GLI2: variants seen among roughly 807,000 people sequenced by gnomAD.
GLI2 encodes transcription activator GLI2.
In GLI2, 22 loss-of-function variants were observed where a neutral mutation model predicts 78.9. The observed-to-expected ratio is 0.28, with a 90% CI of 0.20 to 0.40. The LOEUF (loss-of-function observed/expected upper bound fraction) is 0.40. Among genes scored for constraint, GLI2 ranks in the 10% least tolerant of loss-of-function variants. The pLI is 1.00. For synonymous variants in GLI2, 974 were observed against 963.7 expected (o/e 1.01, Z -0.20); for missense variants, 2,097 against 2,213.2 (o/e 0.95, Z 1.05).
chr2:120,828,025 A>G (rs1471736640), intron 2 of GLI2, among the ~76,000 whole-genome samples: 1 of 152,236 alleles, frequency 6.6e-6, no homozygotes, highest in Non-Finnish European at 1.5e-5. Flanking sequence ...AGGCATGGAA[A>G]TGGTACATTT....
chr2:120,969,976 T>A (rs1682054979), intron 6 of GLI2, among the ~76,000 whole-genome samples: 1 of 152,094 alleles, frequency 6.6e-6, no homozygotes, highest in Admixed American at 6.5e-5. Flanking sequence ...AAGAGGAGAA[T>A]AATGCAAGCT....
intron 13 of GLI2, among the ~76,000 whole-genome samples, chr2:120,987,922 C>T (rs1453453868): frequency 1.3e-5 from 2 of 152,168 alleles, no homozygotes; most frequent in African/African-American, 4.8e-5. Flanking sequence ...TTTTTCCTTC[C>T]CCTTTTTAAT....
rs1680530236 is a variant in GLI2 at position 120,942,946 on chromosome 2, A to G, written c.255-8297A>G. ...CATTCATTCGTTCACACCCTCACTC[A>G]CTCATTCATTCATTCGTTCACGCCC... is the stretch of plus-strand genomic sequence containing the variant. On this transcript the variant is annotated intron_variant, in intron 3 of 13. Coordinates refer to ENST00000361492, the MANE Select transcript of GLI2 (RefSeq NM_001374353.1). Among the ~76,000 whole-genome samples the G allele has an allele frequency of 2.0e-5, 3 of 146,528 alleles. No individual in the cohort carries two copies. The South Asian group carries it at 6.2e-4, about 30-fold the overall frequency.
intron 10 of GLI2, among the ~76,000 whole-genome samples, chr2:120,982,121 G>A (rs1433490410): frequency 6.6e-6 from 1 of 152,158 alleles, no homozygotes; most frequent in East Asian, 1.9e-4. Flanking sequence ...GGATTGGGTG[G>A]GGGCTGCAGA....
chr2:120,955,813 C>T (rs1367427835), intron 5 of GLI2, among the ~76,000 whole-genome samples: 1 of 152,048 alleles, frequency 6.6e-6, no homozygotes, highest in Non-Finnish European at 1.5e-5. Context: ...ATGGGGAAGT[C>T]AGAGGAAGCC....
chr2:120,902,277 C>T (rs574338975), intron 2 of GLI2, among the ~76,000 whole-genome samples: 57 of 141,494 alleles, frequency 4.0e-4, no homozygotes, highest in African/African-American at 1.4e-3. Context: ...ATTTAACAAC[C>T]GGCTATAGAG....
At position 120,989,263 on chromosome 2, in the gene GLI2, G is replaced by A; in HGVS notation, c.3298G>A (p.Val1100Met). The change falls in exon 14 of 14, where the codon GTG becomes ATG. Residue 1100 changes from valine (V) to methionine (M), a missense_variant. By Grantham distance (21) the Val-to-Met change is conservative (BLOSUM62 1). Transcript: ENST00000361492. ...CAGGATGGTGGCTGCGGACTCCAAC[G>A]TGGGCCCCTCCGCCCCTATGCTGGG... ...QRRMVAADSN[V>M]GPSAPMLGGC... 6.2e-7 allele frequency: 1 copy of A among 1,613,110 alleles called. No individual in the cohort carries two copies. Among genetic ancestry groups the A allele is most frequent in the Non-Finnish European group, 8.5e-7 (1 of 1,180,004 alleles).
In GLI2 at chr2:120,989,190, C is replaced by T. The variant is rs1373952657; in HGVS notation, c.3225C>T (p.Gly1075=). The change falls in exon 14 of 14, where the codon GGC becomes GGT. Residue 1075 remains glycine (G), a synonymous_variant. Transcript: ENST00000361492. ...AGGTGTATCCCACGGAAAGCACTGG[C>T]TTCTCTGACAACCCCAGACTACCCA... ...TGQVYPTEST[G]FSDNPRLPSP... 3 of 1,613,112 alleles carry T rather than the reference C, an allele frequency of 1.9e-6. No homozygotes were observed. Among genetic ancestry groups the T allele is most frequent in the African/African-American group, 2.7e-5 (2 of 74,946 alleles).
At chr2:120,958,650 C>T (rs780284813) in intron 5 of GLI2, among the ~76,000 whole-genome samples, 20 of 152,166 alleles carry the variant, frequency 1.3e-4, no homozygotes, top group Non-Finnish European at 2.2e-4. Context: ...CTCTCCAGCT[C>T]ATCTCTCTCC....
chr2:120,773,405 C>A (rs1035441424), intron 1 of GLI2, among the ~76,000 whole-genome samples: 8 of 152,122 alleles, frequency 5.3e-5, no homozygotes, highest in Non-Finnish European at 8.8e-5. Context: ...GGCATCCTGT[C>A]ACCCGCGGTG....
At chr2:120,901,386 C>G (rs1678246445) in intron 2 of GLI2, among the ~76,000 whole-genome samples, 1 of 152,190 alleles carries the variant, frequency 6.6e-6, no homozygotes. Context: ...GCTGGATTGC[C>G]TGGGGTGACA....
chr2:120,933,232 CCCACT>C (rs1306486432), intron 3 of GLI2, among the ~76,000 whole-genome samples: 6 of 152,148 alleles, frequency 3.9e-5, no homozygotes, highest in Non-Finnish European at 7.4e-5. Flanking sequence ...GACACCCAAG[CCCACT>C]CCTCTGCAGA....
At chr2:120,857,937 A>G (rs1020946835) in intron 2 of GLI2, among the ~76,000 whole-genome samples, 1 of 152,174 alleles carries the variant, frequency 6.6e-6, no homozygotes, top group East Asian at 1.9e-4. Context: ...GTTGCTTCTA[A>G]TTCCCTCGCA....
intron 2 of GLI2, among the ~76,000 whole-genome samples, chr2:120,834,041 G>A (rs1364996281): frequency 6.6e-6 from 1 of 152,150 alleles, no homozygotes; most frequent in African/African-American, 2.4e-5. Flanking sequence ...AGCTCTGGGG[G>A]TGCTCAGTCC....
intron 2 of GLI2, among the ~76,000 whole-genome samples, chr2:120,915,008 C>T (rs1002978483): frequency 2.0e-5 from 3 of 152,196 alleles, no homozygotes; most frequent in Non-Finnish European, 4.4e-5. Context: ...AGCGGCCAGA[C>T]CCAAATGGCA....
chr2:120,953,795 G>GAGCTA (rs1469129645), intron 4 of GLI2, among the ~76,000 whole-genome samples: 1 of 152,130 alleles, frequency 6.6e-6, no homozygotes, highest in Non-Finnish European at 1.5e-5. Flanking sequence ...AGCCTGCAGT[G>GAGCTA]AGCTAGGATC....
At chr2:120,897,457 T>C (rs1372479883) in intron 2 of GLI2, among the ~76,000 whole-genome samples, 3 of 152,200 alleles carry the variant, frequency 2.0e-5, no homozygotes, top group African/African-American at 7.2e-5. Context: ...TCGACTTTAC[T>C]GTGGGTTTAC....
At chr2:120,860,199 G>A (rs1253903582) in intron 2 of GLI2, among the ~76,000 whole-genome samples, 2 of 152,170 alleles carry the variant, frequency 1.3e-5, no homozygotes, top group East Asian at 3.9e-4. Flanking sequence ...AATGGACCAG[G>A]GTGGGCTTCA....
chr2:120,814,177 G>C (rs1391735971), intron 2 of GLI2, among the ~76,000 whole-genome samples: 8 of 152,148 alleles, frequency 5.3e-5, no homozygotes, highest in Non-Finnish European at 8.8e-5. Context: ...AGTGGGCTTT[G>C]GAGACAGAAA....
Sources: allele counts gnomAD v4.1 joint callset (sites outside exome capture counted in the v4.1 genomes callset), GRCh38; gene constraint gnomAD v4.1.1; transcripts MANE v1.5; gene names NCBI Gene and HGNC (gene_info 2026-07-23, HGNC 2026-07-21).